Variants in DIP2B observed in about 807,000 individuals in gnomAD.
DIP2B encodes disco-interacting protein 2 homolog B.
DIP2B carries 76 observed loss-of-function variants against 198.0 expected under a neutral mutation model. The observed-to-expected ratio is 0.38, with a 90% CI of 0.32 to 0.46. The LOEUF (loss-of-function observed/expected upper bound fraction) is 0.46, where lower values mean the gene tolerates loss of function less well. DIP2B is among the 20% of genes least tolerant of loss of function. DIP2B has a pLI of 0.99. For missense variants in DIP2B, 1,559 were observed against 1,978.4 expected (o/e 0.79, Z 4.02); for synonymous variants, 701 against 739.1 (o/e 0.95, Z 0.84).
At chr12:50,633,792 C>T (rs747776247) in intron 2 of DIP2B, among the ~76,000 whole-genome samples, 2 of 151,944 alleles carry the variant, frequency 1.3e-5, no homozygotes, top group African/African-American at 4.8e-5. Flanking sequence ...TAACTTAATT[C>T]AGTAGCATCA....
At chr12:50,687,028 TGAG>T (rs1213222372) in intron 12 of DIP2B, 2 of 188,470 alleles carry the variant, frequency 1.1e-5, no homozygotes, top group African/African-American at 4.7e-5. Flanking sequence ...AACGGAGAAA[TGAG>T]GAGGGAAAAT....
intron 1 of DIP2B, among the ~76,000 whole-genome samples, chr12:50,619,372 G>A (rs1188127507): frequency 1.3e-5 from 2 of 152,156 alleles, no homozygotes; most frequent in Non-Finnish European, 2.9e-5. Flanking sequence ...CCAGTCAGCA[G>A]CAGAGTACAA....
chr12:50,643,239 T>C (rs1297584030), intron 3 of DIP2B, among the ~76,000 whole-genome samples: 2 of 152,188 alleles, frequency 1.3e-5, no homozygotes, highest in East Asian at 1.9e-4. Flanking sequence ...CCAGCTGTGA[T>C]CTGTAGTCCC....
chr12:50,587,959 G>A (rs1958784862), intron 1 of DIP2B, among the ~76,000 whole-genome samples: 2 of 152,036 alleles, frequency 1.3e-5, no homozygotes, highest in Admixed American at 6.6e-5. Context: ...AAATTATCTC[G>A]AGATAATTTG....
At chr12:50,675,134 C>G (rs1938923790) in intron 6 of DIP2B, among the ~76,000 whole-genome samples, 195 bp from the exon 7 acceptor site, 1 of 152,126 alleles carries the variant, frequency 6.6e-6, no homozygotes, top group African/African-American at 2.4e-5. Context: ...AATCCTTAAG[C>G]TATGTATTAA....
At chr12:50,685,751 A>G in intron 10 of DIP2B, 82 bp from the exon 11 acceptor site, 1 of 1,445,024 alleles carries the variant, frequency 6.9e-7, no homozygotes, top group Non-Finnish European at 9.2e-7. Flanking sequence ...ACAAAATGCC[A>G]GAGCATTACT....
intron 1 of DIP2B, among the ~76,000 whole-genome samples, chr12:50,563,413 A>T (rs548118452): frequency 6.7e-6 from 1 of 149,090 alleles, no homozygotes; most frequent in South Asian, 2.1e-4. Flanking sequence ...TCTTGAACTC[A>T]TGGACTCAAG....
At chr12:50,628,075 T>C (rs1220865024) in intron 2 of DIP2B, among the ~76,000 whole-genome samples, 1 of 151,990 alleles carries the variant, frequency 6.6e-6, no homozygotes, top group East Asian at 1.9e-4. Context: ...GTAGAGAACT[T>C]AAAAAGCAAT....
intron 4 of DIP2B, among the ~76,000 whole-genome samples, chr12:50,670,478 C>T (rs778727503): frequency 1.3e-5 from 2 of 152,026 alleles, no homozygotes; most frequent in African/African-American, 2.4e-5. Flanking sequence ...TGCAGTGGTG[C>T]GATCGTGGCT....
Position 50,660,185 on chromosome 12 carries a change from C to A in DIP2B, c.302-9C>A. 6.3e-7 allele frequency: 1 copy of A among 1,596,990 alleles called. No homozygotes were observed. The highest frequency in any genetic ancestry group is 1.1e-5 in the South Asian group (1 of 87,936). ...GGAAGCTAATAAATGCAAATGTTTG[C>A]TTTTTCAGATATCCACACAGAAGCA... On this transcript the variant is annotated splice_polypyrimidine_tract_variant and intron_variant, in intron 3 of 37. Coordinates refer to ENST00000301180, the MANE Select transcript of DIP2B (RefSeq NM_173602.3).
At chr12:50,580,538 C>CTTTTTTTTTTTTTTTT (rs35098719) in intron 1 of DIP2B, among the ~76,000 whole-genome samples, 1 of 127,216 alleles carries the variant, frequency 7.9e-6, no homozygotes. Context: ...TTTCTTTTTC[C>CTTTTTTTTTTTTTTTT]TTTTTTTTTT....
chr12:50,526,942 C>T (rs1314821588), intron 1 of DIP2B, among the ~76,000 whole-genome samples: 4 of 152,048 alleles, frequency 2.6e-5, no homozygotes. Context: ...GGCCTTTTTT[C>T]CTCTGTCTTA....
intron 2 of DIP2B, among the ~76,000 whole-genome samples, chr12:50,629,686 T>A (rs949521462): frequency 2.0e-5 from 3 of 152,148 alleles, no homozygotes; most frequent in Non-Finnish European, 4.4e-5. Flanking sequence ...ATATCCAAAA[T>A]TTAAATTTAT....
intron 1 of DIP2B, among the ~76,000 whole-genome samples, chr12:50,563,605 C>G (rs1035397668): frequency 6.7e-6 from 1 of 149,316 alleles, no homozygotes; most frequent in Admixed American, 6.8e-5. Flanking sequence ...ATCCTCTTCT[C>G]TTGCCTAAGC....
At chr12:50,588,936 G>C (rs1194338897) in intron 1 of DIP2B, among the ~76,000 whole-genome samples, 1 of 152,048 alleles carries the variant, frequency 6.6e-6, no homozygotes, top group Non-Finnish European at 1.5e-5. Flanking sequence ...TGTAATCCTA[G>C]CACTTTGGGA....
chr12:50,674,563 C>G lies in DIP2B; in HGVS notation c.730C>G (p.Pro244Ala), dbSNP rs374561975. 8.7e-6 allele frequency: 14 copies of G among 1,614,128 alleles called. No individual in the cohort carries two copies. The East Asian group carries it at 1.1e-4, about 13-fold the overall frequency. ...SIRPANIDLPPSGIVKGMHKG... is the reference protein window; with the variant it reads ...SIRPANIDLPASGIVKGMHKG... ...TCGCCCAGCAAACATTGACCTGCCC[C>G]CCTCGGGGATAGTTAAAGGCATGCA... The change falls in exon 6 of 38, where the codon CCC becomes GCC. Residue 244 changes from proline to alanine, a missense_variant. Pro to Ala is a conservative substitution (Grantham distance 27). Coordinates refer to ENST00000301180, the MANE Select transcript of DIP2B (RefSeq NM_173602.3).
intron 1 of DIP2B, among the ~76,000 whole-genome samples, chr12:50,540,062 T>TG (rs1458700792): frequency 1.3e-5 from 1 of 75,658 alleles, no homozygotes; most frequent in African/African-American, 4.0e-5. Context: ...TGTTTTTTTT[T>TG]TTTTTTTTTT....
intron 3 of DIP2B, among the ~76,000 whole-genome samples, chr12:50,641,932 T>C (rs1938263421): frequency 6.6e-6 from 1 of 152,178 alleles, no homozygotes; most frequent in Non-Finnish European, 1.5e-5. Flanking sequence ...TTTGTCTTCT[T>C]TGTACTGACC....
At chr12:50,574,192 A>G (rs1958638460) in intron 1 of DIP2B, among the ~76,000 whole-genome samples, 2 of 152,112 alleles carry the variant, frequency 1.3e-5, no homozygotes, top group African/African-American at 4.8e-5. Context: ...ATCTTGAATT[A>G]TCTTATTAAG....
Sources: gnomAD v4.1 joint callset for allele counts (sites outside exome capture counted in the v4.1 genomes callset) on GRCh38, gnomAD v4.1.1 for gene constraint, MANE v1.5 for transcripts, NCBI Gene and HGNC (gene_info 2026-07-23, HGNC 2026-07-21) for gene names.